NELL2: variants seen among roughly 807,000 people sequenced by gnomAD.
The protein encoded by NELL2 is protein kinase C-binding protein NELL2.
Under a neutral mutation model 109.6 loss-of-function variants are expected in NELL2, and 41 were observed. That is an observed-to-expected ratio of 0.37 (90% CI 0.29 to 0.49). NELL2 has a LOEUF of 0.49. Among genes scored for constraint, NELL2 ranks in the 20% least tolerant of loss-of-function variants. The probability of loss-of-function intolerance (pLI) is 0.98; values close to 1 mark genes in which losing one functional copy is unlikely to be tolerated. For missense variants in NELL2, 900 were observed against 1,008.3 expected (o/e 0.89, Z 1.45); for synonymous variants, 355 against 344.7 (o/e 1.03, Z -0.33).
At chr12:44,772,145 A>G (rs1941575607) in intron 9 of NELL2, among the ~76,000 whole-genome samples, 1 of 152,216 alleles carries the variant, frequency 6.6e-6, no homozygotes, top group Non-Finnish European at 1.5e-5. Flanking sequence ...TATATTTAAA[A>G]GAGTAAAAAA....
At position 44,828,940 on chromosome 12, in the gene NELL2, C is replaced by T. The variant is rs117281264; in HGVS notation, c.185-12804G>A. Among the ~76,000 whole-genome samples the T allele has an allele frequency of 6.8e-4, 103 of 152,198 alleles. 3 individuals carry two copies. In the East Asian group the frequency reaches 0.019, roughly 29 times the overall value. ...CCACAATAAGTATTCTGATTTAGTT[C>T]ACTGCTATAATTCTCATTTTAGATT... is the stretch of plus-strand genomic sequence containing the variant. On this transcript the variant is annotated intron_variant, in intron 2 of 19. Coordinates refer to ENST00000429094, the MANE Select transcript of NELL2 (RefSeq NM_001145108.2).
chr12:44,892,652 G>A (rs2136870834), intron 1 of NELL2, among the ~76,000 whole-genome samples: 1 of 151,788 alleles, frequency 6.6e-6, no homozygotes, highest in South Asian at 2.1e-4. Flanking sequence ...AAAAACATTA[G>A]CCAGGAGTGG....
chr12:44,527,962 C>A (rs185501677), intron 16 of NELL2, among the ~76,000 whole-genome samples: 3 of 151,446 alleles, frequency 2.0e-5, no homozygotes, highest in Non-Finnish European at 3.0e-5. Context: ...GGCGTGGTGG[C>A]GGGCGCCTGT....
At chr12:44,665,780 T>G (rs1227924140) in intron 12 of NELL2, among the ~76,000 whole-genome samples, 171 bp from the exon 13 acceptor site, 3 of 152,232 alleles carry the variant, frequency 2.0e-5, no homozygotes, top group Non-Finnish European at 1.5e-5. Flanking sequence ...ACAAAAATCA[T>G]GAGTTTTTTT....
chr12:44,567,421 A>G lies in NELL2; in HGVS notation c.1664-34700T>C, dbSNP rs556995506. Among the ~76,000 whole-genome samples, 43 of 152,304 alleles carry G rather than the reference A, an allele frequency of 2.8e-4. No individual in the cohort carries two copies. The South Asian group carries it at 8.5e-3, about 30-fold the overall frequency. On this transcript the variant is annotated intron_variant, in intron 15 of 19. Transcript: ENST00000429094. Reference sequence around the variant, plus strand: ...ACTCTGATTTGAAAAATCAAGACCTAAAAAAATTGTTCTTGAAATAGAAAT... The same window carrying G: ...ACTCTGATTTGAAAAATCAAGACCTGAAAAAATTGTTCTTGAAATAGAAAT...
intron 3 of NELL2, among the ~76,000 whole-genome samples, chr12:44,811,742 G>T (rs1037164721): frequency 5.9e-5 from 9 of 152,028 alleles, no homozygotes; most frequent in Non-Finnish European, 1.3e-4. Context: ...GATAACACTG[G>T]AGTCAGGAAC....
chr12:44,635,543 C>G (rs1160718332), intron 13 of NELL2, among the ~76,000 whole-genome samples: 1 of 149,740 alleles, frequency 6.7e-6, no homozygotes, highest in African/African-American at 2.6e-5. Flanking sequence ...AATAGGAAAT[C>G]CTTTCCCCAT....
At chr12:44,566,288 T>A (rs1037061944) in intron 15 of NELL2, among the ~76,000 whole-genome samples, 3 of 152,102 alleles carry the variant, frequency 2.0e-5, no homozygotes, top group Non-Finnish European at 4.4e-5. Flanking sequence ...ATTGTAGAGA[T>A]TACAGCAGCC....
Position 44,808,912 on chromosome 12 carries a change from T to C in NELL2, c.335+7074A>G, listed in dbSNP as rs181301758. On this transcript the variant is annotated intron_variant, in intron 3 of 19. Transcript: ENST00000429094. ...ACCTGAAGTTTATTAATACAGAAGA[T>C]GATGACAAACTACAGGACAGTTTAA... 6.6e-5 allele frequency among the ~76,000 whole-genome samples: 10 copies of C among 152,140 alleles called. No individual in the cohort carries two copies. The East Asian group carries it at 1.9e-3, about 29-fold the overall frequency.
chr12:44,877,654 C>T (rs1445663114), upstream of NELL2, among the ~76,000 whole-genome samples: 1 of 152,074 alleles, frequency 6.6e-6, no homozygotes, highest in Non-Finnish European at 1.5e-5. Flanking sequence ...TAGTGGAATA[C>T]ATATACTATA....
At chr12:44,716,962 C>T (rs2136446692) in intron 9 of NELL2, among the ~76,000 whole-genome samples, 1 of 152,114 alleles carries the variant, frequency 6.6e-6, no homozygotes, top group East Asian at 1.9e-4. Context: ...GACAATAGGG[C>T]ACCAAATGGA....
At chr12:44,721,789 G>A (rs1448629609) in intron 9 of NELL2, among the ~76,000 whole-genome samples, 1 of 152,062 alleles carries the variant, frequency 6.6e-6, no homozygotes, top group Non-Finnish European at 1.5e-5. Context: ...TTGAAAAAGT[G>A]ATTTTGCTCT....
intron 13 of NELL2, among the ~76,000 whole-genome samples, chr12:44,618,263 C>G (rs1945912026): frequency 6.6e-6 from 1 of 152,182 alleles, no homozygotes; most frequent in Non-Finnish European, 1.5e-5. Flanking sequence ...ACTGACCACA[C>G]CGATTCTATT....
intron 13 of NELL2, 32 bp from the exon 14 acceptor site, chr12:44,611,002 A>C (rs1566016085): frequency 6.2e-7 from 1 of 1,605,818 alleles, no homozygotes; most frequent in East Asian, 2.2e-5. Flanking sequence ...TGTTACTCAA[A>C]GTTATATTTC....
intron 13 of NELL2, among the ~76,000 whole-genome samples, chr12:44,644,608 G>GTATATATATATATATATA (rs1180129986): frequency 4.0e-4 from 36 of 90,808 alleles, no homozygotes; most frequent in Non-Finnish European, 5.4e-4. Flanking sequence ...ATATATGTAT[G>GTATATATATATATATATA]TATATATATA....
intron 3 of NELL2, among the ~76,000 whole-genome samples, chr12:44,787,641 T>C (rs764832825): frequency 6.6e-6 from 1 of 152,018 alleles, no homozygotes; most frequent in Non-Finnish European, 1.5e-5. Context: ...ATCAAGAATA[T>C]ACCCACACAA....
At chr12:44,704,052 G>A (rs902707028) in intron 11 of NELL2, among the ~76,000 whole-genome samples, 198 bp from the exon 12 acceptor site, 2 of 151,894 alleles carry the variant, frequency 1.3e-5, no homozygotes, top group African/African-American at 4.8e-5. Context: ...AATTAATTTC[G>A]ATTTCAAGTT....
chr12:44,866,163 C>A (rs921223828), intron 2 of NELL2, among the ~76,000 whole-genome samples: 1 of 152,192 alleles, frequency 6.6e-6, no homozygotes, highest in Non-Finnish European at 1.5e-5. Context: ...TCACCAGACA[C>A]CAAATCTGCT....
At chr12:44,663,761 CAACA>C (rs1413261473) in intron 13 of NELL2, among the ~76,000 whole-genome samples, 1 of 152,146 alleles carries the variant, frequency 6.6e-6, no homozygotes, top group Admixed American at 6.5e-5. Context: ...GATTTATATC[CAACA>C]GACTCAGAAT....
Sources: allele counts gnomAD v4.1 joint callset (sites outside exome capture counted in the v4.1 genomes callset), GRCh38; gene constraint gnomAD v4.1.1; transcripts MANE v1.5; gene names NCBI Gene and HGNC (gene_info 2026-07-23, HGNC 2026-07-21).